EIF2AK1: variants seen among roughly 807,000 people sequenced by gnomAD.
EIF2AK1 encodes eukaryotic translation initiation factor 2-alpha kinase 1.
EIF2AK1 carries 54 observed loss-of-function variants against 77.9 expected under a neutral mutation model. The observed-to-expected ratio is 0.69, with a 90% CI of 0.56 to 0.87. The LOEUF is 0.87. Among genes scored for constraint, EIF2AK1 ranks in the 40% least tolerant of loss-of-function variants. The pLI is 0.00. For synonymous variants in EIF2AK1, 314 were observed against 290.5 expected, an observed-to-expected ratio of 1.08 and a Z score of -0.82; for missense variants, 810 against 768.6, an observed-to-expected ratio of 1.05 and a Z score of -0.64.
At position 6,038,685 on chromosome 7, in the gene EIF2AK1, C is replaced by T. The variant is rs967108735; in HGVS notation, c.1120-14G>A. On this transcript the variant is annotated splice_polypyrimidine_tract_variant and intron_variant, in intron 9 of 14. Transcript: ENST00000199389. ...GTGGTACTGTGCCTAGGAGAGGACA[C>T]AGTGATGGCTCCCATCTTTGCACGA... is the stretch of plus-strand genomic sequence containing the variant. 11 of 1,587,030 alleles carry T rather than the reference C, an allele frequency of 6.9e-6. No individual in the cohort carries two copies. Among genetic ancestry groups the T allele is most frequent in the South Asian group, 1.1e-5 (1 of 88,224 alleles).
intron 8 of EIF2AK1, 132 bp downstream of exon 8, chr7:6,042,801 G>A (rs987724586): frequency 1.5e-6 from 1 of 658,464 alleles, no homozygotes; most frequent in African/African-American, 1.8e-5. Context: ...AGGAGGCGGA[G>A]GTTGCAGTGA....
At position 6,035,630 on chromosome 7, in the gene EIF2AK1, C is replaced by G; in HGVS notation, c.1332+1794G>C. 1 of 1,550,822 alleles carries G rather than the reference C, an allele frequency of 6.4e-7. No homozygotes were observed. The highest frequency in any genetic ancestry group is 8.7e-7 in the Non-Finnish European group (1 of 1,147,078). On this transcript the variant is annotated intron_variant, in intron 11 of 14. Coordinates refer to ENST00000199389, the MANE Select transcript of EIF2AK1 (RefSeq NM_014413.4). The surrounding 1 kb of genome is among the most constrained non-coding windows in gnomAD (Gnocchi z 5.5). ...TGAACACTCAAGGGGAAATCAGCAA[C>G]AAACGTTCACCACTCCACCTGGCCA...
At chr7:6,052,864 G>A (rs567178502) in intron 2 of EIF2AK1, among the ~76,000 whole-genome samples, 1 of 152,148 alleles carries the variant, frequency 6.6e-6, no homozygotes, top group African/African-American at 2.4e-5. Context: ...TCGGGAGGGT[G>A]AGGCAGGAGA....
In EIF2AK1 at chr7:6,057,126, C is replaced by CTTT. The variant is rs34958065; in HGVS notation, c.118+1837_118+1839dup. ...TGGGCAACAAAAGGAGACCCCATCT[C>CTTT]TTTTTTTTTTTTTTTTTTTTTTTTG... On this transcript the variant is annotated intron_variant, in intron 1 of 14. Coordinates refer to ENST00000199389, the MANE Select transcript of EIF2AK1 (RefSeq NM_014413.4). Among the ~76,000 whole-genome samples the CTTT allele has an allele frequency of 5.7e-3, 519 of 90,672 alleles. 2 individuals carry two copies. Among genetic ancestry groups the CTTT allele is most frequent in the African/African-American group, 7.9e-3 (171 of 21,768 alleles). The allele number at this position is 90,672 out of a possible 152,430, so 59.5% of individuals were successfully genotyped here.
Position 6,027,103 on chromosome 7 carries a change from G to T in EIF2AK1, c.1531-142C>A. The T allele has an allele frequency of 1.4e-6, 1 of 691,718 alleles. No homozygotes were observed. Among genetic ancestry groups the T allele is most frequent in the Non-Finnish European group, 2.4e-6 (1 of 412,098 alleles). The allele number at this position is 691,718 out of a possible 1,614,324, so 42.8% of individuals were successfully genotyped here. A position where few individuals can be genotyped will look rare whatever the true frequency, so the allele number is the denominator to read the frequency against. The stretch of plus-strand genomic sequence containing the variant: ...CACCCACAAGGAAGGGAACAGAGCA[G>T]GATAGCTCATCAGTGACAGGGACTT... On this transcript the variant is annotated intron_variant, in intron 13 of 14. Coordinates refer to ENST00000199389, the MANE Select transcript of EIF2AK1 (RefSeq NM_014413.4). This position sits in a 1 kb window ranked among gnomAD's most constrained non-coding sequence, Gnocchi z 4.5.
rs1470847867 is a variant in EIF2AK1 at position 6,033,913 on chromosome 7, C to T, written c.1332+3511G>A. The stretch of plus-strand genomic sequence containing the variant: ...TATTACTCTCCACTAGAAGGTAAGC[C>T]GCATGAAAGAGAAGTTGACCTTGTG... On this transcript the variant is annotated intron_variant, in intron 11 of 14. Transcript: ENST00000199389. The surrounding 1 kb of genome is among the most constrained non-coding windows in gnomAD (Gnocchi z 4.4). Among the ~76,000 whole-genome samples the T allele has an allele frequency of 3.3e-5, 5 of 152,046 alleles. No homozygotes were observed. The highest frequency in any genetic ancestry group is 3.9e-4 in the East Asian group (2 of 5,168).
At chr7:6,052,610 A>AAC (rs1788638063) in intron 2 of EIF2AK1, among the ~76,000 whole-genome samples, 1 of 141,124 alleles carries the variant, frequency 7.1e-6, no homozygotes, top group African/African-American at 2.5e-5. Flanking sequence ...AAAAAAAAGA[A>AAC]CCTCAGAATC....
Position 6,059,108 on chromosome 7 carries a change from C to T in EIF2AK1, c.-25G>A, listed in dbSNP as rs1412639607. ...TCGCCGGCCGCGCGCGGGCCGCAGC[C>T]CAGCCCGCCGGCCAGCCCAGCACTG... On this transcript the variant is annotated 5_prime_UTR_variant, in exon 1 of 15. Transcript: ENST00000199389. 3.0e-6 allele frequency: 4 copies of T among 1,348,894 alleles called. No homozygotes were observed. Among genetic ancestry groups the T allele is most frequent in the Non-Finnish European group, 3.8e-6 (4 of 1,051,578 alleles). The allele number at this position is 1,348,894 out of a possible 1,614,324, so 83.6% of individuals were successfully genotyped here. A position where few individuals can be genotyped will look rare whatever the true frequency, so the allele number is the denominator to read the frequency against.
chr7:6,058,059 C>G (rs557597296), intron 1 of EIF2AK1: 10 of 444,398 alleles, frequency 2.3e-5, no homozygotes, highest in Non-Finnish European at 4.5e-5. Context: ...TTAAGCATCT[C>G]TTACTCTATG....
At chr7:6,056,610 AAAAAT>A (rs1216515855) in intron 1 of EIF2AK1, among the ~76,000 whole-genome samples, 2 of 98,954 alleles carry the variant, frequency 2.0e-5, no homozygotes, top group African/African-American at 4.9e-5. Context: ...AAAAAAAAAA[AAAAAT>A]ATATATATAT....
At position 6,033,869 on chromosome 7, in the gene EIF2AK1, G is replaced by A. The variant is rs1562744841; in HGVS notation, c.1332+3555C>T. ...CAGGCGTGAGCCGCCGTGCCTGGCC[G>A]ACAATGGATTTTCTTGTTTATTACT... On this transcript the variant is annotated intron_variant, in intron 11 of 14. Transcript: ENST00000199389. This position sits in a 1 kb window ranked among gnomAD's most constrained non-coding sequence, Gnocchi z 4.4. 6.6e-6 allele frequency among the ~76,000 whole-genome samples: 1 copy of A among 151,836 alleles called. No individual in the cohort carries two copies. The highest frequency in any genetic ancestry group is 1.5e-5 in the Non-Finnish European group (1 of 67,964).
chr7:6,041,116 T>A lies in EIF2AK1; in HGVS notation c.895A>T (p.Asn299Tyr). 6.2e-7 allele frequency: 1 copy of A among 1,614,088 alleles called. No individual in the cohort carries two copies. The highest frequency in any genetic ancestry group is 8.5e-7 in the Non-Finnish European group (1 of 1,180,022). The change falls in exon 9 of 15, where the codon AAT (asparagine) becomes TAT (tyrosine). Residue 299 changes from asparagine (N) to tyrosine (Y), a missense_variant. Physicochemically the swap from Asn to Tyr is moderately radical, Grantham distance 143. Around this residue, in one of 3 missense-constraint regions of EIF2AK1, gnomAD observed 549 missense variants for 533.7 expected, o/e 1.03. Coordinates refer to ENST00000199389, the MANE Select transcript of EIF2AK1 (RefSeq NM_014413.4). The stretch of plus-strand genomic sequence containing the variant: ...TACTTCACCGACTTGTTATTCTGAT[T>A]TTCAGTGTCAGATTCTCCAAAGCGT... ...EKRFGESDTE[N>Y]QNNKSVKYTT...
At chr7:6,057,521 A>G (rs1228847609) in intron 1 of EIF2AK1, 1 of 151,842 alleles carries the variant, frequency 6.6e-6, no homozygotes, top group Non-Finnish European at 1.5e-5. Context: ...AGCAGCACAT[A>G]TACTAAAAAC....
chr7:6,038,552 G>A lies in EIF2AK1; in HGVS notation c.1231+8C>T. ...TTTCCCGGCCCGGCAGACCCAGATGGTACTCACAGGCAGACTCGTCCACAT... is the reference window on the plus strand; with the variant it reads ...TTTCCCGGCCCGGCAGACCCAGATGATACTCACAGGCAGACTCGTCCACAT... On this transcript the variant is annotated splice_region_variant and intron_variant, in intron 10 of 14. Transcript: ENST00000199389. 1 of 1,606,212 alleles carries A rather than the reference G, an allele frequency of 6.2e-7. No homozygotes were observed. Among genetic ancestry groups the A allele is most frequent in the Non-Finnish European group, 8.5e-7 (1 of 1,175,520 alleles).
chr7:6,027,863 G>C lies in EIF2AK1; in HGVS notation c.1530+752C>G. On this transcript the variant is annotated intron_variant, in intron 13 of 14. Coordinates refer to ENST00000199389, the MANE Select transcript of EIF2AK1 (RefSeq NM_014413.4). This position sits in a 1 kb window ranked among gnomAD's most constrained non-coding sequence, Gnocchi z 4.5. Reference sequence around the variant, plus strand: ...GAGAATCATTTGAGGCCAGGAGTTTGAGACCAACCTGGACAAAGCAAGACC... The same window carrying C: ...GAGAATCATTTGAGGCCAGGAGTTTCAGACCAACCTGGACAAAGCAAGACC... 5.0e-6 allele frequency: 2 copies of C among 401,798 alleles called. No individual in the cohort carries two copies. The highest frequency in any genetic ancestry group is 9.9e-6 in the Non-Finnish European group (2 of 201,876). 24.9% of individuals were successfully genotyped at this position (401,798 alleles called of 1,614,324 possible).
rs767340291 is a variant in EIF2AK1, at chr7:6,024,755, A to G, written c.1811T>C (p.Ile604Thr). The G allele has an allele frequency of 6.3e-6, 10 of 1,591,386 alleles. No homozygotes were observed. The highest frequency in any genetic ancestry group is 8.5e-6 in the Non-Finnish European group (10 of 1,172,796). The change falls in exon 15 of 15, where the codon ATT (isoleucine) becomes ACT (threonine). Residue 604 changes from isoleucine (I) to threonine (T), a missense_variant. By Grantham distance (89) the Ile-to-Thr change is moderately conservative. This residue lies in a region of EIF2AK1 where 549 missense variants were observed against 533.7 expected (regional missense o/e 1.03). Transcript: ENST00000199389. ...GTTTAGCTGCTTCTTTAGTTCTGCA[A>G]TTTCTTTTTCTTGCTCTATTATCTT... ...QMKIIEQEKE[I>T]AELKKQLNLL... is the part of the protein sequence containing the mutation.
intron 9 of EIF2AK1, 47 bp downstream of exon 9, chr7:6,040,845 A>C: frequency 6.7e-7 from 1 of 1,484,176 alleles, no homozygotes; most frequent in Non-Finnish European, 9.3e-7. Flanking sequence ...ACACCTGCAC[A>C]GTCACCAATA....
chr7:6,049,063 T>C (rs1318595713), intron 3 of EIF2AK1, among the ~76,000 whole-genome samples: 5 of 152,122 alleles, frequency 3.3e-5, no homozygotes, highest in Non-Finnish European at 1.5e-5. Context: ...TCAAAATCCA[T>C]GCAGGAGCTC....
intron 4 of EIF2AK1, among the ~76,000 whole-genome samples, chr7:6,047,565 C>A (rs1788481284): frequency 6.6e-6 from 1 of 151,636 alleles, no homozygotes; most frequent in African/African-American, 2.4e-5. Context: ...CCCAGCTACT[C>A]CGGAGGCTGA....
Sources: allele counts gnomAD v4.1 joint callset (sites outside exome capture counted in the v4.1 genomes callset), GRCh38; gene constraint gnomAD v4.1.1; regional missense constraint gnomAD v4.1.1; non-coding constraint Gnocchi (gnomAD v3.1); transcripts MANE v1.5; gene names NCBI Gene and HGNC (gene_info 2026-07-23, HGNC 2026-07-21).